OTOGL: variants seen among roughly 807,000 people sequenced by gnomAD.
OTOGL encodes the protein otogelin like.
OTOGL carries 285 observed loss-of-function variants against 318.5 expected under a neutral mutation model. That is an observed-to-expected ratio of 0.89 (90% CI 0.81 to 0.99). The LOEUF (loss-of-function observed/expected upper bound fraction) is 0.99. Ranked by LOEUF, OTOGL falls within the 50% of genes least tolerant of loss-of-function variation. The probability of loss-of-function intolerance (pLI) is 0.00; values close to 1 mark genes in which losing one functional copy is unlikely to be tolerated. For synonymous variants in OTOGL, 987 were observed against 936.5 expected (o/e 1.05, Z -0.99); for missense variants, 2,899 against 2,845.6 (o/e 1.02, Z -0.43).
chr12:80,366,168 A>C (rs949593075), intron 52 of OTOGL: 3 of 204,162 alleles, frequency 1.5e-5, no homozygotes, highest in Non-Finnish European at 3.2e-5. Flanking sequence ...AAAGTTAGTA[A>C]GTTATGGAGC....
chr12:80,372,860 T>C (rs1188282008), intron 57 of OTOGL, among the ~76,000 whole-genome samples: 2 of 152,016 alleles, frequency 1.3e-5, no homozygotes. Context: ...GGCTAATTTT[T>C]ATATTTTTAG....
At chr12:80,280,412 G>GT (rs1232303859) in intron 26 of OTOGL, among the ~76,000 whole-genome samples, 2 of 148,456 alleles carry the variant, frequency 1.3e-5, no homozygotes, top group Non-Finnish European at 3.0e-5. Flanking sequence ...TTTCTTCTAG[G>GT]TTTTTTATGA....
At chr12:80,302,519 A>G in intron 27 of OTOGL, 115 bp from the exon 28 acceptor site, 1 of 647,884 alleles carries the variant, frequency 1.5e-6, no homozygotes, top group Non-Finnish European at 2.2e-6. Context: ...AGGCATGACC[A>G]TGCAACAATA....
At position 80,333,003 on chromosome 12, in the gene OTOGL, A is replaced by C; in HGVS notation, c.4349-2A>C. On this transcript the variant is annotated splice_acceptor_variant, in intron 37 of 58. Coordinates refer to ENST00000547103, the MANE Select transcript of OTOGL (RefSeq NM_001378609.3). LOFTEE classifies it high-confidence loss of function. Reference sequence around the variant, plus strand: ...TGAGGATTACTTTTTCATTTCTGACAGTTTGGGAAATGATTACTCCATCAG... The same window carrying C: ...TGAGGATTACTTTTTCATTTCTGACCGTTTGGGAAATGATTACTCCATCAG... The C allele has an allele frequency of 6.3e-7, 1 of 1,587,528 alleles. No homozygotes were observed. Among genetic ancestry groups the C allele is most frequent in the South Asian group, 1.1e-5 (1 of 87,204 alleles).
At chr12:80,252,341 T>C in intron 13 of OTOGL, 140 bp downstream of exon 13, 2 of 954,364 alleles carry the variant, frequency 2.1e-6, no homozygotes, top group Non-Finnish European at 1.4e-6. Flanking sequence ...AGTTGGTCCT[T>C]GAAGTGACAA....
chr12:80,315,914 A>G (rs1173602294), intron 32 of OTOGL, among the ~76,000 whole-genome samples: 2 of 152,116 alleles, frequency 1.3e-5, no homozygotes, highest in Non-Finnish European at 2.9e-5. Flanking sequence ...ACTTCACATC[A>G]ATCTTTGGAT....
chr12:80,328,551 A>G, intron 35 of OTOGL, 114 bp from the exon 36 acceptor site: 1 of 765,094 alleles, frequency 1.3e-6, no homozygotes. Flanking sequence ...TGACAAGGGT[A>G]TATAGAAGCA....
In OTOGL at chr12:80,232,945, A is replaced by G; in HGVS notation, c.665A>G (p.Tyr222Cys). ...ATTTTCATTGAGAAACTAGCTGACT[A>G]CATTCTTGTGAAAACAACCTTTGGC... ...GQIFIEKLAD[Y>C]ILVKTTFGFS... Residue 222 changes from tyrosine (Y) to cysteine (C), a missense_variant, in exon 9 of 59, where the codon TAC becomes TGC. Coordinates refer to ENST00000547103, the MANE Select transcript of OTOGL (RefSeq NM_001378609.3). 2.5e-6 allele frequency: 4 copies of G among 1,599,346 alleles called. No homozygotes were observed. The highest frequency in any genetic ancestry group is 2.5e-6 in the Non-Finnish European group (3 of 1,179,658).
intron 8 of OTOGL, among the ~76,000 whole-genome samples, chr12:80,229,696 G>GTTGAACTTAATCA (rs1879198529): frequency 6.6e-6 from 1 of 151,700 alleles, no homozygotes. Context: ...AGTATCTTAA[G>GTTGAACTTAATCA]AGTTCAACTC....
At chr12:80,219,413 T>C (rs536661475) in intron 5 of OTOGL, among the ~76,000 whole-genome samples, 2 of 152,298 alleles carry the variant, frequency 1.3e-5, no homozygotes, top group African/African-American at 4.8e-5. Context: ...TATTCTTTAA[T>C]AGAGTGTTTG....
chr12:80,350,010 C>G (rs1592741815), intron 44 of OTOGL, among the ~76,000 whole-genome samples: 1 of 152,294 alleles, frequency 6.6e-6, no homozygotes, highest in Middle Eastern at 3.4e-3. Flanking sequence ...TACAATAGAT[C>G]TCTTGGACTT....
At chr12:80,328,791 C>T in intron 36 of OTOGL, 47 bp downstream of exon 36, 1 of 1,494,708 alleles carries the variant, frequency 6.7e-7, no homozygotes, top group Non-Finnish European at 9.3e-7. Flanking sequence ...TATACGCTTG[C>T]ATATGTTTTT....
intron 1 of OTOGL, among the ~76,000 whole-genome samples, chr12:80,204,417 T>A (rs1876672158): frequency 6.6e-6 from 1 of 152,152 alleles, no homozygotes; most frequent in African/African-American, 2.4e-5. Context: ...CATTTTGGGA[T>A]TTGACAGGTT....
intron 35 of OTOGL, among the ~76,000 whole-genome samples, chr12:80,325,611 T>C (rs1887631180): frequency 6.6e-6 from 1 of 152,212 alleles, no homozygotes; most frequent in Admixed American, 6.5e-5. Context: ...TACTGTTTAG[T>C]GTCTTAAAAA....
rs79907299 is a variant in OTOGL, at chr12:80,359,079, G to T, written c.6267+179G>T. On this transcript the variant is annotated intron_variant, in intron 52 of 58. Coordinates refer to ENST00000547103, the MANE Select transcript of OTOGL (RefSeq NM_001378609.3). ...GAAATAGTCAATAAGTTATATTTTA[G>T]TTGAGATAGGAAAGTACAATACATT... is the stretch of plus-strand genomic sequence containing the variant. Among the ~76,000 whole-genome samples the T allele has an allele frequency of 0.052, 7,907 of 152,184 alleles. 299 individuals are homozygous for T. Among genetic ancestry groups the T allele is most frequent in the Middle Eastern group, 0.15 (43 of 294 alleles).
At chr12:80,128,359 T>C (rs963218847) in intron 1 of OTOGL, among the ~76,000 whole-genome samples, 1 of 152,170 alleles carries the variant, frequency 6.6e-6, no homozygotes, top group African/African-American at 2.4e-5. Flanking sequence ...ACAGTGGATA[T>C]TGGTGAACAG....
At chr12:80,355,003 C>T (rs940274118) in intron 46 of OTOGL, among the ~76,000 whole-genome samples, 4 of 152,102 alleles carry the variant, frequency 2.6e-5, no homozygotes, top group South Asian at 2.1e-4. Flanking sequence ...GTAGGGACTA[C>T]CTTGTTTTCT....
rs1466923354 is a variant in OTOGL at position 80,162,734 on chromosome 12, C to T, written c.-19-46679C>T. Among the ~76,000 whole-genome samples the T allele has an allele frequency of 2.0e-5, 3 of 152,014 alleles. No individual in the cohort carries two copies. In the East Asian group the frequency reaches 5.8e-4, roughly 29 times the overall value. The stretch of plus-strand genomic sequence containing the variant: ...TTGGATGAGGGCCCACCCTCCTGGT[C>T]CCATTTTAATTTAATCAGGTCTGTA... On this transcript the variant is annotated intron_variant, in intron 1 of 58. Coordinates refer to ENST00000547103, the MANE Select transcript of OTOGL (RefSeq NM_001378609.3).
rs1565913743 is a variant in OTOGL, at chr12:80,229,374, A to T, written c.607A>T (p.Ile203Phe). The change falls in exon 8 of 59, where the codon ATC (isoleucine) becomes TTC (phenylalanine). Residue 203 changes from isoleucine (I) to phenylalanine (F), a missense_variant. Around this residue, in one of 3 missense-constraint regions of OTOGL, gnomAD observed 2,607 missense variants for 2,524.9 expected, o/e 1.03. Coordinates refer to ENST00000547103, the MANE Select transcript of OTOGL (RefSeq NM_001378609.3). ...IYGHEIKKNG[I>F]SLTLPQTIGQ... ...TGGTCATGAAATAAAAAAGAATGGA[A>T]TCAGGTAGGATATGGGAAACAGTGA... 1.9e-6 allele frequency: 3 copies of T among 1,594,358 alleles called. No homozygotes were observed. In the African/African-American group the frequency reaches 4.0e-5, roughly 21 times the overall value.
Sources: allele counts gnomAD v4.1 joint callset (sites outside exome capture counted in the v4.1 genomes callset), GRCh38; gene constraint gnomAD v4.1.1; regional missense constraint gnomAD v4.1.1; transcripts MANE v1.5; gene names NCBI Gene and HGNC (gene_info 2026-07-23, HGNC 2026-07-21).